YJU2B: variants seen among roughly 807,000 people sequenced by gnomAD.
YJU2B encodes probable splicing factor YJU2B.
In YJU2B, 18 loss-of-function variants were observed where a neutral mutation model predicts 38.0. The ratio of observed to expected loss-of-function variants is 0.47; its 90% CI spans 0.33 to 0.70. The LOEUF is 0.70. Ranked by LOEUF, YJU2B falls within the 30% of genes least tolerant of loss-of-function variation. The pLI, the probability that YJU2B is intolerant of heterozygous loss-of-function variation, is 0.02. For missense variants in YJU2B, 538 were observed against 556.3 expected (o/e 0.97, Z 0.33); for synonymous variants, 246 against 225.4 (o/e 1.09, Z -0.82).
In YJU2B at chr19:13,749,697, A is replaced by G. The variant is rs113049275; in HGVS notation, c.-202+1743A>G. Among the ~76,000 whole-genome samples the G allele has an allele frequency of 4.1e-3, 607 of 149,480 alleles. 5 individuals are homozygous for G. Among genetic ancestry groups the G allele is most frequent in the African/African-American group, 0.014 (562 of 40,442 alleles). On this transcript the variant is annotated intron_variant, in intron 1 of 9. Transcript: ENST00000221554. Reference sequence around the variant, plus strand: ...GCCCAGGCTGGAGTGTGGTGGCGCAATCTTTGCTCACTGCAAGCTCCGCCT... The same window carrying G: ...GCCCAGGCTGGAGTGTGGTGGCGCAGTCTTTGCTCACTGCAAGCTCCGCCT...
At chr19:13,733,376 A>G (rs1220962006) in intron 2 of YJU2B, among the ~76,000 whole-genome samples, 2 of 152,082 alleles carry the variant, frequency 1.3e-5, no homozygotes, top group African/African-American at 2.4e-5. Flanking sequence ...TTGTAGTGCA[A>G]AGGCTGTCCT....
chr19:13,751,827 CGT>C lies in YJU2B; in HGVS notation c.3+20_3+21del. On this transcript the variant is annotated intron_variant, in intron 2 of 9. Coordinates refer to ENST00000221554, the MANE Select transcript of YJU2B (RefSeq NM_030818.4). ...TCCCAAGATGGTGAGTAGACAGCCT[CGT>C]GTGCCCTGGGTTTCTCTCCCAGTCT... 6.2e-7 allele frequency: 1 copy of C among 1,613,900 alleles called. No homozygotes were observed. The highest frequency in any genetic ancestry group is 8.5e-7 in the Non-Finnish European group (1 of 1,179,782).
In YJU2B at chr19:13,758,863, C is replaced by T. The variant is rs901614087; in HGVS notation, c.258-5C>T. On this transcript the variant is annotated splice_polypyrimidine_tract_variant and splice_region_variant and intron_variant, in intron 6 of 9. Transcript: ENST00000221554. ...TCCTGACTCCTGCCCACCGCTCCCT[C>T]CCAGGTTCCGGATGAAATGCCACCT... 1 of 1,613,828 alleles carries T rather than the reference C, an allele frequency of 6.2e-7. No individual in the cohort carries two copies. Among genetic ancestry groups the T allele is most frequent in the African/African-American group, 1.3e-5 (1 of 75,066 alleles).
Position 13,763,062 on chromosome 19 carries a change from T to C in YJU2B, c.1185T>C (p.Ser395=), listed in dbSNP as rs762013876. 2 of 1,545,806 alleles carry C rather than the reference T, an allele frequency of 1.3e-6. No individual in the cohort carries two copies. The highest frequency in any genetic ancestry group is 2.5e-5 in the South Asian group (2 of 80,716). ...TGGCGGACTACTCCGACTCGGAGAG[T>C]GAGTGAGCGATCCCCATCCTGGAGA... ...SLVADYSDSE[S]E Residue 395 remains serine (S), a synonymous_variant, in exon 10 of 10, where the codon AGT becomes AGC. Coordinates refer to ENST00000221554, the MANE Select transcript of YJU2B (RefSeq NM_030818.4).
rs114375581 is a variant in YJU2B at position 13,754,207 on chromosome 19, T to A, written c.4-82T>A. 8.0e-3 allele frequency: 8,911 copies of A among 1,115,004 alleles called. 397 individuals are homozygous for A. The African/African-American group carries it at 0.11, about 14-fold the overall frequency. 69.1% of individuals were successfully genotyped at this position (1,115,004 alleles called of 1,614,324 possible). On this transcript the variant is annotated intron_variant, in intron 2 of 9. Transcript: ENST00000221554. ...TAGTAAAATAAAAAATCAGAAAAAA[T>A]TTTTTTGAATGAGATTTGGGTAGGG...
At chr19:13,734,732 G>A (rs887963804) in intron 2 of YJU2B, among the ~76,000 whole-genome samples, 2 of 152,008 alleles carry the variant, frequency 1.3e-5, no homozygotes, top group African/African-American at 4.8e-5. Flanking sequence ...GGGATTACAG[G>A]TGTGCTCCAC....
rs192684120 is a variant in YJU2B, at chr19:13,752,015, T to C, written c.3+204T>C. On this transcript the variant is annotated intron_variant, in intron 2 of 9. Coordinates refer to ENST00000221554, the MANE Select transcript of YJU2B (RefSeq NM_030818.4). ...AAATGTTTTTTTGTTTCATTTTCTT[T>C]TGTTTTTGAGACAGTCTCACTTTGT... Among the ~76,000 whole-genome samples, 179 of 152,328 alleles carry C rather than the reference T, an allele frequency of 1.2e-3. 1 individual carries two copies. The highest frequency in any genetic ancestry group is 4.2e-3 in the African/African-American group (176 of 41,574).
rs374992243 is a variant in YJU2B at position 13,757,446 on chromosome 19, G to C, written c.169G>C (p.Asp57His). 2 of 1,613,788 alleles carry C rather than the reference G, an allele frequency of 1.2e-6. No individual in the cohort carries two copies. The highest frequency in any genetic ancestry group is 1.7e-6 in the Non-Finnish European group (2 of 1,179,930). Residue 57 changes from aspartate (D) to histidine (H), a missense_variant, in exon 5 of 10, where the codon GAT becomes CAT. Coordinates refer to ENST00000221554, the MANE Select transcript of YJU2B (RefSeq NM_030818.4). ...CGAAATGCCATATAACATCTGGTGC[G>C]ATGGCTGCAAGAACCACATCGGCAT... ...RFEMPYNIWC[D>H]GCKNHIGMGV...
chr19:13,736,668 T>A (rs1056454058), intron 2 of YJU2B, among the ~76,000 whole-genome samples: 3 of 152,166 alleles, frequency 2.0e-5, no homozygotes, highest in Admixed American at 2.0e-4. Context: ...ACTACGTAGC[T>A]CTAAATGTTG....
At chr19:13,753,073 A>G (rs1055106093) in intron 2 of YJU2B, among the ~76,000 whole-genome samples, 1 of 152,228 alleles carries the variant, frequency 6.6e-6, no homozygotes, top group Non-Finnish European at 1.5e-5. Context: ...AAGCCACCAT[A>G]GGAGCATCTG....
At chr19:13,742,272 T>C (rs1441223003) in intron 2 of YJU2B, among the ~76,000 whole-genome samples, 2 of 149,478 alleles carry the variant, frequency 1.3e-5, no homozygotes, top group African/African-American at 4.9e-5. Flanking sequence ...CTCACAACCA[T>C]CTGGTCCTTC....
At chr19:13,756,078 A>G (rs760682238) in intron 3 of YJU2B, 119 bp from the exon 4 acceptor site, 15 of 767,802 alleles carry the variant, frequency 2.0e-5, no homozygotes, top group African/African-American at 5.1e-5. Flanking sequence ...CCTGCAGGAC[A>G]TAAGAATCAA....
chr19:13,760,140 T>C (rs916291366), intron 8 of YJU2B, among the ~76,000 whole-genome samples: 1 of 151,992 alleles, frequency 6.6e-6, no homozygotes, highest in Non-Finnish European at 1.5e-5. Flanking sequence ...TTGGCCAGGC[T>C]GGTCTCGAAC....
At chr19:13,732,610 C>CTTTTTTTTTTT in intron 2 of YJU2B, 1 of 119,460 alleles carries the variant, frequency 8.4e-6, no homozygotes, top group African/African-American at 3.2e-5. Flanking sequence ...TACTTTCTTT[C>CTTTTTTTTTTT]TTTTTTTTTT....
At chr19:13,752,811 G>A (rs749611301) in intron 2 of YJU2B, among the ~76,000 whole-genome samples, 3 of 152,070 alleles carry the variant, frequency 2.0e-5, no homozygotes, top group Non-Finnish European at 4.4e-5. Flanking sequence ...TACTCAGGAG[G>A]CTAAGGCACG....
At chr19:13,736,550 G>A (rs562821259) in intron 2 of YJU2B, among the ~76,000 whole-genome samples, 112 of 151,710 alleles carry the variant, frequency 7.4e-4, no homozygotes, top group African/African-American at 2.4e-3. Context: ...ATAAGCCACC[G>A]TGCCCAGCCT....
Position 13,759,241 on chromosome 19 carries a change from C to A in YJU2B, c.542C>A (p.Ala181Asp). The change falls in exon 8 of 10, where the codon GCC becomes GAC. Residue 181 changes from alanine to aspartate, a missense_variant. By Grantham distance (126) the Ala-to-Asp change is moderately radical. This residue lies in a region of YJU2B where 488 missense variants were observed against 469.5 expected (regional missense o/e 1.04). Transcript: ENST00000221554. ...CAGAGCGCCTGGAAGGACGACTTCG[C>A]CCTCAACAGCATGCTGCGGAGAAGG... Reference protein sequence around the residue: ...EAQSAWKDDFALNSMLRRRFR... With the variant: ...EAQSAWKDDFDLNSMLRRRFR... 3 of 1,612,540 alleles carry A rather than the reference C, an allele frequency of 1.9e-6. No homozygotes were observed. Among genetic ancestry groups the A allele is most frequent in the Non-Finnish European group, 2.5e-6 (3 of 1,179,376 alleles).
Position 13,741,180 on chromosome 19 carries a change from G to T in YJU2B, c.-202+8895G>T, listed in dbSNP as rs181267734. On this transcript the variant is annotated intron_variant, in intron 2 of 10. Coordinates refer to the YJU2B transcript ENST00000586600. ...TTTTTTTTTTTTTTTTTGAGACGGA[G>T]TTTCGCTCTTGTTGCCCAAGCTGCA... Among the ~76,000 whole-genome samples, 567 of 126,004 alleles carry T rather than the reference G, an allele frequency of 4.5e-3. 3 individuals carry two copies. Among genetic ancestry groups the T allele is most frequent in the African/African-American group, 0.017 (529 of 32,056 alleles). The allele number at this position is 126,004 out of a possible 152,430, so 82.7% of individuals were successfully genotyped here.
rs1973731707 is a variant in YJU2B at position 13,757,926 on chromosome 19, G to A, written c.257+80G>A. ...GGGCTACAAAGAGCCTGAGTTGCGG[G>A]GGGAACCCATTCCCTGCAGGACTCC... is the stretch of plus-strand genomic sequence containing the variant. On this transcript the variant is annotated intron_variant, in intron 6 of 9. Coordinates refer to ENST00000221554, the MANE Select transcript of YJU2B (RefSeq NM_030818.4). 3.1e-6 allele frequency: 4 copies of A among 1,272,156 alleles called. No homozygotes were observed. In the South Asian group the frequency reaches 3.6e-5, roughly 12 times the overall value. The allele number at this position is 1,272,156 out of a possible 1,614,324, so 78.8% of individuals were successfully genotyped here.
Sources: allele counts gnomAD v4.1 joint callset (sites outside exome capture counted in the v4.1 genomes callset), GRCh38; gene constraint gnomAD v4.1.1; regional missense constraint gnomAD v4.1.1; transcripts MANE v1.5; gene names NCBI Gene and HGNC (gene_info 2026-07-23, HGNC 2026-07-21).